LTBP2: variants seen among roughly 807,000 people sequenced by gnomAD.
LTBP2 encodes latent transforming growth factor beta binding protein 2.
Under a neutral mutation model 210.6 loss-of-function variants are expected in LTBP2, and 103 were observed. The observed-to-expected ratio is 0.49, with a 90% confidence interval of 0.42 to 0.58. LTBP2 has a LOEUF of 0.58. Among genes scored for constraint, LTBP2 ranks in the 20% least tolerant of loss-of-function variants. The probability of loss-of-function intolerance (pLI) is 0.00; values close to 1 mark genes in which losing one functional copy is unlikely to be tolerated. For synonymous variants in LTBP2, 1,007 were observed against 1,015.0 expected (o/e 0.99, Z 0.15); for missense variants, 2,313 against 2,494.5 (o/e 0.93, Z 1.55).
chr14:74,551,474 T>G, intron 6 of LTBP2, 124 bp from the exon 7 acceptor site: 1 of 936,828 alleles, frequency 1.1e-6, no homozygotes. Context: ...CCCAAAACTC[T>G]CCTTCCATTT....
Position 74,611,677 on chromosome 14 carries a change from G to A in LTBP2, c.268C>T (p.Pro90Ser). ...AGLQPVERAQ[P>S]GWGSPRRPTE... ...GGCCTCCTGGGGCTCCCCCAGCCCG[G>A]CTGGGCCCGCTCCACGGGCTGCAAG... Residue 90 changes from proline to serine, a missense_variant, in exon 1 of 36, where the codon CCG (proline) becomes TCG (serine). Physicochemically the swap from Pro to Ser is moderately conservative, Grantham distance 74 (BLOSUM62 -1). Coordinates refer to ENST00000261978, the MANE Select transcript of LTBP2 (RefSeq NM_000428.3). 1.3e-6 allele frequency: 2 copies of A among 1,568,034 alleles called. No homozygotes were observed. Among genetic ancestry groups the A allele is most frequent in the Non-Finnish European group, 1.7e-6 (2 of 1,163,414 alleles).
rs7144311 is a variant in LTBP2, at chr14:74,603,164, G to A, written c.565+471C>T. Among the ~76,000 whole-genome samples, 808 of 152,258 alleles carry A rather than the reference G, an allele frequency of 5.3e-3. 7 individuals carry two copies. Among genetic ancestry groups the A allele is most frequent in the African/African-American group, 0.017 (714 of 41,528 alleles). On this transcript the variant is annotated intron_variant, in intron 2 of 35. Coordinates refer to ENST00000261978, the MANE Select transcript of LTBP2 (RefSeq NM_000428.3). ...TCTTTTTGAGAAGGAGTCTCGCTCT[G>A]TCGCCCAGTCTGGAGTGCAGTGGTG...
chr14:74,555,757 A>C, intron 3 of LTBP2, 64 bp from the exon 4 acceptor site: 26 of 1,243,088 alleles, frequency 2.1e-5, no homozygotes, highest in Non-Finnish European at 2.6e-5. Flanking sequence ...GCCACTCCTC[A>C]TCCAGCCACC....
At position 74,552,176 on chromosome 14, in the gene LTBP2, C is replaced by A; in HGVS notation, c.1399+11G>T. On this transcript the variant is annotated intron_variant, in intron 6 of 35. Coordinates refer to ENST00000261978, the MANE Select transcript of LTBP2 (RefSeq NM_000428.3). ...CCAGGGTCCCGCCGGCCCAGCTGTG[C>A]CGGCACTCACCCAGCTGGTTGGAGA... 6.4e-7 allele frequency: 1 copy of A among 1,567,556 alleles called. No individual in the cohort carries two copies. The highest frequency in any genetic ancestry group is 8.6e-7 in the Non-Finnish European group (1 of 1,156,152).
In LTBP2 at chr14:74,510,146, G is replaced by T. The variant is rs1247679856; in HGVS notation, c.3096C>A (p.Phe1032Leu). The T allele has an allele frequency of 6.2e-7, 1 of 1,614,142 alleles. No individual in the cohort carries two copies. Among genetic ancestry groups the T allele is most frequent in the Admixed American group, 1.7e-5 (1 of 60,034 alleles). ...HGKCTNLEGSFRCSCEQGYEV... is the reference protein window; with the variant it reads ...HGKCTNLEGSLRCSCEQGYEV... ...CATAGCCCTGCTCACAAGAGCATCT[G>T]AAGGAGCCTTCTAGGTTGGTGCACT... The change falls in exon 20 of 36, where the codon TTC becomes TTA. Residue 1032 changes from phenylalanine (F) to leucine (L), a missense_variant. Physicochemically the swap from Phe to Leu is conservative, Grantham distance 22. Around this residue, in one of 3 missense-constraint regions of LTBP2, gnomAD observed 1,867 missense variants for 1,976.9 expected, o/e 0.94. Transcript: ENST00000261978.
Position 74,499,560 on chromosome 14 carries a change from A to G in LTBP2, c.*1324T>C, listed in dbSNP as rs771886578. On this transcript the variant is annotated 3_prime_UTR_variant, in exon 36 of 36. Coordinates refer to ENST00000261978, the MANE Select transcript of LTBP2 (RefSeq NM_000428.3). ...GTCACATGGAGCCTTGTTCATTTAC[A>G]TTGCCATTCATCAGAGAAGTACGAA... 7 of 228,324 alleles carry G rather than the reference A, an allele frequency of 3.1e-5. No individual in the cohort carries two copies. The highest frequency in any genetic ancestry group is 1.8e-4 in the South Asian group (1 of 5,494). 14.1% of individuals were successfully genotyped at this position (228,324 alleles called of 1,614,324 possible).
rs1018243515 is a variant in LTBP2, at chr14:74,575,504, T to C, written c.830+10350A>G. Among the ~76,000 whole-genome samples the C allele has an allele frequency of 9.2e-5, 14 of 152,230 alleles. 1 individual carries two copies. Among genetic ancestry groups the C allele is most frequent in the Admixed American group, 9.2e-4 (14 of 15,290 alleles). ...GGGTTACCTGTCACAGAGACTATAA[T>C]GTGAAGGACAACCCCTGGTGTTGTG... On this transcript the variant is annotated intron_variant, in intron 3 of 35. Coordinates refer to ENST00000261978, the MANE Select transcript of LTBP2 (RefSeq NM_000428.3).
At chr14:74,558,894 T>G (rs187818709) in intron 3 of LTBP2, among the ~76,000 whole-genome samples, 5 of 152,300 alleles carry the variant, frequency 3.3e-5, no homozygotes, top group Non-Finnish European at 7.3e-5. Flanking sequence ...ATGTTGGTTC[T>G]GCCTCTTACT....
intron 2 of LTBP2, among the ~76,000 whole-genome samples, chr14:74,598,319 C>T (rs540937435): frequency 7.9e-5 from 12 of 152,330 alleles, no homozygotes; most frequent in Non-Finnish European, 1.5e-4. Context: ...CATTCCATTG[C>T]CCACGTGATA....
chr14:74,576,971 C>T (rs181495840), intron 3 of LTBP2, among the ~76,000 whole-genome samples: 1 of 152,144 alleles, frequency 6.6e-6, no homozygotes, highest in Non-Finnish European at 1.5e-5. Flanking sequence ...TTAACCCTCT[C>T]ATTTTACAGA....
rs936770707 is a variant in LTBP2 at position 74,522,775 on chromosome 14, C to A, written c.2659+15G>T. 1.2e-6 allele frequency: 2 copies of A among 1,607,498 alleles called. No individual in the cohort carries two copies. Among genetic ancestry groups the A allele is most frequent in the African/African-American group, 2.7e-5 (2 of 74,872 alleles). ...CCCCAGCCGCCAAGTAAGCCCAGGG[C>A]ACCCAAGTGAATACCTGTGCAGTAG... On this transcript the variant is annotated intron_variant, in intron 16 of 35. Coordinates refer to ENST00000261978, the MANE Select transcript of LTBP2 (RefSeq NM_000428.3).
In LTBP2 at chr14:74,501,445, G is replaced by A. The variant is rs781130604; in HGVS notation, c.5316C>T (p.Cys1772=). The part of the protein sequence containing the change: ...GFQLDAAHMA[C]VDVNECDDLN... ...CCATCAGAATTCTGCACTTACCTAC[G>A]CAGGCCATGTGGGCCGCATCCAGCT... The change falls in exon 35 of 36, where the codon TGC becomes TGT. Residue 1772 remains cysteine, a synonymous_variant. Coordinates refer to ENST00000261978, the MANE Select transcript of LTBP2 (RefSeq NM_000428.3). 2 of 1,614,050 alleles carry A rather than the reference G, an allele frequency of 1.2e-6. No homozygotes were observed. The highest frequency in any genetic ancestry group is 2.2e-5 in the South Asian group (2 of 91,088).
At chr14:74,509,671 G>A (rs1364350454) in intron 21 of LTBP2, 63 bp downstream of exon 21, 83 of 1,610,946 alleles carry the variant, frequency 5.2e-5, no homozygotes, top group Non-Finnish European at 6.9e-5. Context: ...CAAATTGAGT[G>A]TTCTTTGGGA....
intron 18 of LTBP2, 82 bp from the exon 19 acceptor site, chr14:74,511,446 C>T: frequency 6.3e-7 from 1 of 1,580,110 alleles, no homozygotes; most frequent in Non-Finnish European, 8.7e-7. Context: ...ATCCTTGTCC[C>T]TGCCTTTGGT....
intron 3 of LTBP2, among the ~76,000 whole-genome samples, chr14:74,576,688 C>A (rs1045030163): frequency 6.6e-6 from 1 of 151,480 alleles, no homozygotes; most frequent in Non-Finnish European, 1.5e-5. Flanking sequence ...AGGACATCCC[C>A]TGTTGTTGTG....
At chr14:74,580,823 G>C (rs2088126319) in intron 3 of LTBP2, among the ~76,000 whole-genome samples, 4 of 152,176 alleles carry the variant, frequency 2.6e-5, no homozygotes. Context: ...GCTGGGTATG[G>C]TGGTGCACAC....
At chr14:74,600,120 G>A (rs60411104) in intron 2 of LTBP2, among the ~76,000 whole-genome samples, 14,404 of 152,192 alleles carry the variant, frequency 0.095, 851 homozygotes, top group African/African-American at 0.15. Flanking sequence ...CACCTTCTGC[G>A]GAGCTCTGGA....
At chr14:74,569,480 G>C in intron 3 of LTBP2, among the ~76,000 whole-genome samples, 1 of 152,148 alleles carries the variant, frequency 6.6e-6, no homozygotes, top group Non-Finnish European at 1.5e-5. Context: ...GTGTACAGAC[G>C]TGCTGCTGGA....
At position 74,525,515 on chromosome 14, in the gene LTBP2, C is replaced by T. The variant is rs557007506; in HGVS notation, c.2429-290G>A. On this transcript the variant is annotated intron_variant, in intron 14 of 35. Transcript: ENST00000261978. Reference sequence around the variant, plus strand: ...GTCAGCTTGTCGGAGGCACAGCTGACACCTGGGTTTCCTAATTCCCACTTC... The same window carrying T: ...GTCAGCTTGTCGGAGGCACAGCTGATACCTGGGTTTCCTAATTCCCACTTC... 3.9e-5 allele frequency among the ~76,000 whole-genome samples: 6 copies of T among 152,346 alleles called. No individual in the cohort carries two copies. The South Asian group carries it at 1.0e-3, about 26-fold the overall frequency.
Sources: gnomAD v4.1 joint callset for allele counts (sites outside exome capture counted in the v4.1 genomes callset) on GRCh38, gnomAD v4.1.1 for gene constraint, gnomAD v4.1.1 regional missense constraint, MANE v1.5 for transcripts, NCBI Gene and HGNC (gene_info 2026-07-23, HGNC 2026-07-21) for gene names.